The following TACR1 variants were observed in gnomAD, a reference collection of about 807,000 sequenced individuals.
The protein encoded by TACR1 is tachykinin receptor 1, also known as substance-P receptor.
A neutral mutation model predicts 35.8 loss-of-function variants in TACR1; 25 were observed. The observed-to-expected ratio is 0.70, with a 90% CI of 0.51 to 0.98. The LOEUF is 0.98. TACR1 is among the 50% of genes least tolerant of loss of function. The pLI is 0.00. For missense variants in TACR1, 478 were observed against 522.9 expected, an observed-to-expected ratio of 0.91 and a Z score of 0.84; for synonymous variants, 195 against 206.7, an observed-to-expected ratio of 0.94 and a Z score of 0.48.
chr2:75,095,428 A>G (rs891481675), intron 2 of TACR1, among the ~76,000 whole-genome samples: 4 of 152,254 alleles, frequency 2.6e-5, no homozygotes, highest in African/African-American at 7.2e-5. Context: ...AGTCTGGACA[A>G]CCTCACAGAA....
intron 1 of TACR1, among the ~76,000 whole-genome samples, chr2:75,151,424 C>T (rs1192463480): frequency 6.6e-6 from 1 of 152,188 alleles, no homozygotes; most frequent in Non-Finnish European, 1.5e-5. Flanking sequence ...CTGAAAGGGG[C>T]CAATGTACAG....
At chr2:75,138,408 C>G (rs1674339241) in intron 1 of TACR1, among the ~76,000 whole-genome samples, 1 of 152,214 alleles carries the variant, frequency 6.6e-6, no homozygotes, top group Admixed American at 6.5e-5. Flanking sequence ...ATAAAACTAC[C>G]TAGCCTGGAC....
chr2:75,197,274 C>T (rs1055576111), intron 1 of TACR1, among the ~76,000 whole-genome samples: 1 of 152,146 alleles, frequency 6.6e-6, no homozygotes, highest in East Asian at 1.9e-4. Context: ...GAAGATTTCC[C>T]TGATTTTAAA....
At chr2:75,146,403 A>ATGAG (rs1553379861) in intron 1 of TACR1, among the ~76,000 whole-genome samples, 3 of 152,202 alleles carry the variant, frequency 2.0e-5, no homozygotes, top group Admixed American at 2.0e-4. Context: ...AATTACAGGA[A>ATGAG]TGAGTCACCA....
intron 2 of TACR1, among the ~76,000 whole-genome samples, chr2:75,104,335 A>G (rs1358429729): frequency 6.6e-6 from 1 of 152,084 alleles, no homozygotes; most frequent in Non-Finnish European, 1.5e-5. Flanking sequence ...GGGTCAATTC[A>G]TCAAGAGAAT....
At chr2:75,071,613 C>T (rs1011086723) in intron 2 of TACR1, among the ~76,000 whole-genome samples, 1 of 152,214 alleles carries the variant, frequency 6.6e-6, no homozygotes, top group African/African-American at 2.4e-5. Flanking sequence ...ATGTTATCAA[C>T]CACAGATTAA....
intron 1 of TACR1, among the ~76,000 whole-genome samples, chr2:75,159,778 C>G (rs537808948): frequency 7.2e-5 from 11 of 152,118 alleles, no homozygotes; most frequent in Non-Finnish European, 1.5e-4. Flanking sequence ...AGTGCTTATA[C>G]CTAGAGGGTC....
chr2:75,124,700 T>C (rs1674039281), intron 1 of TACR1, among the ~76,000 whole-genome samples: 1 of 152,212 alleles, frequency 6.6e-6, no homozygotes, highest in Non-Finnish European at 1.5e-5. Context: ...AAAGAAACTA[T>C]TGGGCATGGC....
intron 2 of TACR1, among the ~76,000 whole-genome samples, chr2:75,115,084 C>CGTGTGT (rs3079164): frequency 0.015 from 2,175 of 148,762 alleles, 75 homozygotes; most frequent in East Asian, 0.13. Context: ...TGTTAACATA[C>CGTGTGT]GTGTGTGTGT....
rs72809309 is a variant in TACR1 at position 75,158,139 on chromosome 2, G to A, written c.390-37371C>T. On this transcript the variant is annotated intron_variant, in intron 1 of 4. Coordinates refer to ENST00000305249, the MANE Select transcript of TACR1 (RefSeq NM_001058.4). ...AAGACTCCAACTATGACCCAACTGG[G>A]TCCTCCAACACTTTTTACTATCTTT... 3.4e-3 allele frequency among the ~76,000 whole-genome samples: 516 copies of A among 152,332 alleles called. 4 individuals are homozygous for A. Among genetic ancestry groups the A allele is most frequent in the African/African-American group, 0.012 (488 of 41,574 alleles).
rs1673949281 is a variant in TACR1 at position 75,120,624 on chromosome 2, G to A, written c.534C>T (p.Val178=). The change falls in exon 2 of 5, where the codon GTC becomes GTT. Residue 178 remains valine (V), a synonymous_variant. Transcript: ENST00000305249. ...YSTTETMPSR[V]VCMIEWPEHP... ...GCTCTGGCCATTCGATCATGCACAC[G>A]ACTCTGCTGGGCATGGTCTCTGTGG... 2 of 1,612,886 alleles carry A rather than the reference G, an allele frequency of 1.2e-6. No homozygotes were observed. Among genetic ancestry groups the A allele is most frequent in the Non-Finnish European group, 1.7e-6 (2 of 1,179,412 alleles).
At chr2:75,156,690 G>A (rs1433025594) in intron 1 of TACR1, among the ~76,000 whole-genome samples, 1 of 151,936 alleles carries the variant, frequency 6.6e-6, no homozygotes, top group African/African-American at 2.4e-5. Context: ...TGGACTTCTG[G>A]TCTACATAAC....
At chr2:75,093,763 A>G (rs1011625947) in intron 2 of TACR1, among the ~76,000 whole-genome samples, 2 of 152,210 alleles carry the variant, frequency 1.3e-5, no homozygotes, top group East Asian at 1.9e-4. Flanking sequence ...CTTATTAAGC[A>G]TAAGAATGCT....
intron 1 of TACR1, among the ~76,000 whole-genome samples, chr2:75,190,738 A>C (rs549274222): frequency 6.6e-6 from 1 of 152,316 alleles, no homozygotes; most frequent in African/African-American, 2.4e-5. Flanking sequence ...AATACCTTGC[A>C]TATGTACACA....
At chr2:75,061,355 G>A (rs1672669153) in intron 2 of TACR1, among the ~76,000 whole-genome samples, 1 of 152,120 alleles carries the variant, frequency 6.6e-6, no homozygotes, top group Non-Finnish European at 1.5e-5. Flanking sequence ...AGGTGATGAT[G>A]GACCAGGTGA....
chr2:75,107,840 A>G (rs1000243998), intron 2 of TACR1, among the ~76,000 whole-genome samples: 4 of 151,926 alleles, frequency 2.6e-5, no homozygotes, highest in Non-Finnish European at 5.9e-5. Context: ...GGAGAAAAAT[A>G]AAGATAAAAG....
rs561156857 is a variant in TACR1 at position 75,198,405 on chromosome 2, A to C, written c.389+141T>G. 1.5e-4 allele frequency: 140 copies of C among 934,562 alleles called. No individual in the cohort carries two copies. The African/African-American group carries it at 2.1e-3, about 14-fold the overall frequency. 57.9% of individuals were successfully genotyped at this position (934,562 alleles called of 1,614,324 possible). ...CATAAGATGAAGTTCCCCATCAACA[A>C]ATGACTCAGTTGATCAGTAAAAAAA... On this transcript the variant is annotated intron_variant, in intron 1 of 4. Transcript: ENST00000305249.
At chr2:75,172,152 T>C (rs1476029025) in intron 1 of TACR1, among the ~76,000 whole-genome samples, 2 of 152,228 alleles carry the variant, frequency 1.3e-5, no homozygotes, top group African/African-American at 4.8e-5. Context: ...CATTTTGTGC[T>C]ATAGAATCTT....
intron 2 of TACR1, among the ~76,000 whole-genome samples, chr2:75,102,722 T>C (rs1673563308): frequency 6.6e-6 from 1 of 152,102 alleles, no homozygotes; most frequent in Admixed American, 6.6e-5. Flanking sequence ...TTATACCCAA[T>C]CAAGCAGCCA....
Sources: allele counts gnomAD v4.1 joint callset (sites outside exome capture counted in the v4.1 genomes callset), GRCh38; gene constraint gnomAD v4.1.1; transcripts MANE v1.5; gene names NCBI Gene and HGNC (gene_info 2026-07-23, HGNC 2026-07-21).